Variants in CATSPERT observed in about 807,000 individuals in gnomAD.
CATSPERT encodes the protein cation channel sperm-associated targeting subunit tau.
At chr2:201,511,921 T>C in the CATSPERT span, 2 of 147,864 alleles carry the variant, frequency 1.4e-5, no homozygotes, top group Admixed American at 6.7e-5. Flanking sequence ...TCCCACAGAA[T>C]TCTAAAGATT....
the CATSPERT span, among the ~76,000 whole-genome samples, chr2:201,549,368 C>T: frequency 2.6e-5 from 4 of 151,864 alleles, no homozygotes; most frequent in African/African-American, 9.7e-5. Context: ...TCTGAGAAGG[C>T]TTCACTTCAA....
the CATSPERT span, chr2:201,534,910 A>G: frequency 2.1e-6 from 1 of 486,018 alleles, no homozygotes; most frequent in Non-Finnish European, 2.7e-6. Flanking sequence ...GTAAAGTCAA[A>G]AAATAAAAAT....
the CATSPERT span, among the ~76,000 whole-genome samples, chr2:201,511,255 C>G: frequency 2.5e-4 from 38 of 152,130 alleles, no homozygotes; most frequent in Non-Finnish European, 4.7e-4. Context: ...ACCCTCTGAT[C>G]CAACGATTCT....
the CATSPERT span, among the ~76,000 whole-genome samples, chr2:201,510,062 G>T: frequency 3.0e-4 from 46 of 150,944 alleles, 3 homozygotes; most frequent in African/African-American, 1.0e-3. Context: ...TGGCTCCAGG[G>T]ACTTAATGTG....
At chr2:201,612,163 A>T in the CATSPERT span, among the ~76,000 whole-genome samples, 2 of 152,172 alleles carry the variant, frequency 1.3e-5, no homozygotes, top group African/African-American at 2.4e-5. Flanking sequence ...GGCAGGTAGT[A>T]ATTGTCTTCA....
At chr2:201,590,106 G>A in the CATSPERT span, among the ~76,000 whole-genome samples, 1 of 151,986 alleles carries the variant, frequency 6.6e-6, no homozygotes, top group East Asian at 1.9e-4. Flanking sequence ...TCTAGCATTA[G>A]GTATATCTCC....
At chr2:201,610,017 T>C in the CATSPERT span, among the ~76,000 whole-genome samples, 2 of 152,094 alleles carry the variant, frequency 1.3e-5, no homozygotes, top group East Asian at 3.9e-4. Flanking sequence ...CCAGAGACTA[T>C]TAGAAACAAC....
chr2:201,537,646 G>A, the CATSPERT span, among the ~76,000 whole-genome samples: 1 of 151,886 alleles, frequency 6.6e-6, no homozygotes, highest in African/African-American at 2.4e-5. Flanking sequence ...ACAAGCTGAT[G>A]AATCTCTGGG....
the CATSPERT span, among the ~76,000 whole-genome samples, chr2:201,598,606 T>C: frequency 1.3e-5 from 2 of 151,932 alleles, no homozygotes; most frequent in Admixed American, 6.6e-5. Flanking sequence ...TTTTTTTTTT[T>C]GGTCTCACTT....
At chr2:201,563,138 C>T in the CATSPERT span, among the ~76,000 whole-genome samples, 9 of 52,896 alleles carry the variant, frequency 1.7e-4, no homozygotes, top group East Asian at 1.5e-3. Flanking sequence ...GCTGGCCGGG[C>T]GGGGGGCTGA....
At chr2:201,592,779 G>A in the CATSPERT span, among the ~76,000 whole-genome samples, 1 of 152,222 alleles carries the variant, frequency 6.6e-6, no homozygotes, top group East Asian at 1.9e-4. Context: ...AGAGGTGTTT[G>A]TAGTATTCTC....
At chr2:201,560,824 C>G in the CATSPERT span, among the ~76,000 whole-genome samples, 1 of 151,794 alleles carries the variant, frequency 6.6e-6, no homozygotes, top group African/African-American at 2.4e-5. Flanking sequence ...GTTCTGTCGC[C>G]CAGGCTGGAG....
the CATSPERT span, among the ~76,000 whole-genome samples, chr2:201,526,925 T>C: frequency 6.6e-6 from 1 of 152,074 alleles, no homozygotes; most frequent in African/African-American, 2.4e-5. Flanking sequence ...TCAGGCAAGA[T>C]AAAGAAATAA....
chr2:201,494,670 G>T, the CATSPERT span: 2 of 1,535,622 alleles, frequency 1.3e-6, no homozygotes. Context: ...TTCTATATTT[G>T]TATATATCTT....
chr2:201,612,008 C>G, the CATSPERT span, among the ~76,000 whole-genome samples: 321 of 152,260 alleles, frequency 2.1e-3, no homozygotes, highest in African/African-American at 7.1e-3. Flanking sequence ...ACTAAAGTTT[C>G]TGAAGTTTGG....
the CATSPERT span, among the ~76,000 whole-genome samples, chr2:201,510,812 A>G: frequency 6.6e-6 from 1 of 152,256 alleles, no homozygotes; most frequent in African/African-American, 2.4e-5. Context: ...AGGACCTTCT[A>G]AACAAGATAT....
At chr2:201,564,022 G>C in the CATSPERT span, among the ~76,000 whole-genome samples, 9 of 152,218 alleles carry the variant, frequency 5.9e-5, no homozygotes, top group African/African-American at 2.2e-4. Context: ...AAAAACCAGA[G>C]TCCAGGGCTT....
chr2:201,493,173 T>C, the CATSPERT span: 7 of 1,529,054 alleles, frequency 4.6e-6, no homozygotes, highest in South Asian at 1.2e-5. Flanking sequence ...GTTTATCCAT[T>C]AATGAGTTAG....
At chr2:201,565,736 G>A in the CATSPERT span, 12 of 1,557,510 alleles carry the variant, frequency 7.7e-6, no homozygotes, top group Middle Eastern at 1.7e-4. Flanking sequence ...TACCTTTCCC[G>A]GGGTTGTTGC....
Sources: allele counts gnomAD v4.1 joint callset (sites outside exome capture counted in the v4.1 genomes callset), GRCh38; gene constraint gnomAD v4.1.1; transcripts MANE v1.5; gene names NCBI Gene and HGNC (gene_info 2026-07-23, HGNC 2026-07-21).